Variants in RBBP6 observed in about 807,000 individuals in gnomAD.
RBBP6 encodes RB binding protein 6, ubiquitin ligase.
Under a neutral mutation model 167.7 loss-of-function variants are expected in RBBP6, and 25 were observed. The observed-to-expected ratio is 0.15, with a 90% confidence interval of 0.11 to 0.21. The LOEUF is 0.21. Ranked by LOEUF, RBBP6 falls within the 10% of genes least tolerant of loss-of-function variation. RBBP6 has a pLI of 1.00. For missense variants in RBBP6, 1,868 were observed against 2,134.2 expected (o/e 0.88, Z 2.46); for synonymous variants, 789 against 735.8 (o/e 1.07, Z -1.17).
At position 24,571,386 on chromosome 16, in the gene RBBP6, TAA is replaced by T; in HGVS notation, c.4323_4324del (p.Leu1443ValfsTer8). The T allele has an allele frequency of 6.2e-7, 1 of 1,613,970 alleles. No homozygotes were observed. On this transcript the variant is annotated frameshift_variant, in exon 18 of 18. Coordinates refer to ENST00000319715, the MANE Select transcript of RBBP6 (RefSeq NM_006910.5). LOFTEE classifies it high-confidence loss of function. The part of the protein sequence containing the change: ...LDRLNEQGNF[K>X]SLSQSSKEAR... Reference sequence around the variant, plus strand: ...ACCGTCTGAATGAACAAGGAAATTTTAAAAGTCTGTCTCAATCTTCCAAAGAG... The same window carrying T: ...ACCGTCTGAATGAACAAGGAAATTTTAAGTCTGTCTCAATCTTCCAAAGAG...
chr16:24,570,879 G>T lies in RBBP6; in HGVS notation c.3813G>T (p.Thr1271=). The change falls in exon 18 of 18, where the codon ACG becomes ACT. Residue 1271 remains threonine, a synonymous_variant. Coordinates refer to ENST00000319715, the MANE Select transcript of RBBP6 (RefSeq NM_006910.5). ...AATATTTTGTTATTCTTTTTAGTACGAGCTCAACTGGAGGCAGTCCTGTGC... is the reference window on the plus strand; with the variant it reads ...AATATTTTGTTATTCTTTTTAGTACTAGCTCAACTGGAGGCAGTCCTGTGC... The part of the protein sequence containing the change: ...SSSTLVDYTS[T]SSTGGSPVRK... 4 of 1,470,132 alleles carry T rather than the reference G, an allele frequency of 2.7e-6. No homozygotes were observed. Among genetic ancestry groups the T allele is most frequent in the South Asian group, 3.1e-5 (2 of 64,140 alleles). 91.1% of individuals were successfully genotyped at this position (1,470,132 alleles called of 1,614,324 possible). A position where few individuals can be genotyped will look rare whatever the true frequency, so the allele number is the denominator to read the frequency against.
At chr16:24,552,884 G>C (rs1252706990) in intron 3 of RBBP6, 14 of 151,910 alleles carry the variant, frequency 9.2e-5, no homozygotes, top group Admixed American at 9.2e-4. Flanking sequence ...CATAATAAGT[G>C]ACAGCTCTGT....
At position 24,567,235 on chromosome 16, in the gene RBBP6, C is replaced by T; in HGVS notation, c.1682C>T (p.Pro561Leu). ...ACTCCAGTCTTTGTACCTGTTCCAC[C>T]ACCTCCTTTGTATCCGCCTCCTCCC... ...PATPVFVPVP[P>L]PPLYPPPPHT... The change falls in exon 15 of 18, where the codon CCA becomes CTA. Residue 561 changes from proline (P) to leucine (L), a missense_variant. Pro to Leu is a moderately conservative substitution (Grantham distance 98, BLOSUM62 -3). This residue lies in a region of RBBP6 where 145 missense variants were observed against 224.3 expected (regional missense o/e 0.65). Transcript: ENST00000319715. The T allele has an allele frequency of 6.2e-7, 1 of 1,614,086 alleles. No homozygotes were observed. The highest frequency in any genetic ancestry group is 8.5e-7 in the Non-Finnish European group (1 of 1,179,968).
intron 2 of RBBP6, 115 bp from the exon 3 acceptor site, chr16:24,548,830 C>T: frequency 1.2e-6 from 1 of 829,610 alleles, no homozygotes. Flanking sequence ...AATATTTATA[C>T]CAAAGGAAAA....
intron 2 of RBBP6, 140 bp from the exon 3 acceptor site, chr16:24,548,805 A>C (rs1898728248): frequency 1.5e-6 from 1 of 666,460 alleles, no homozygotes; most frequent in African/African-American, 1.8e-5. Context: ...TTATTCATTC[A>C]GAAATTGGCT....
rs1045440864 is a variant in RBBP6, at chr16:24,549,274, G to A, written c.303+293G>A. On this transcript the variant is annotated intron_variant, in intron 3 of 17. Coordinates refer to ENST00000319715, the MANE Select transcript of RBBP6 (RefSeq NM_006910.5). ...GTTAATGTATGATCCTTTTTAGATCGTTTAGGTTTTACACTAAGGAACATG... is the reference window on the plus strand; with the variant it reads ...GTTAATGTATGATCCTTTTTAGATCATTTAGGTTTTACACTAAGGAACATG... The A allele has an allele frequency of 1.8e-5, 22 of 1,220,920 alleles. No individual in the cohort carries two copies. In the East Asian group the frequency reaches 2.0e-4, roughly 11 times the overall value. The allele number at this position is 1,220,920 out of a possible 1,614,324, so 75.6% of individuals were successfully genotyped here. A position where few individuals can be genotyped will look rare whatever the true frequency, so the allele number is the denominator to read the frequency against.
intron 16 of RBBP6, among the ~76,000 whole-genome samples, chr16:24,568,416 A>G (rs1344720016): frequency 3.3e-5 from 5 of 152,244 alleles, no homozygotes; most frequent in South Asian, 2.1e-4. Context: ...GACAAAAAAC[A>G]GACTCCTACT....
In RBBP6 at chr16:24,540,141, C is replaced by G. The variant is rs750011196; in HGVS notation, c.-486C>G. 7.1e-5 allele frequency: 11 copies of G among 154,258 alleles called. No individual in the cohort carries two copies. The highest frequency in any genetic ancestry group is 1.6e-4 in the Non-Finnish European group (11 of 69,070). The allele number at this position is 154,258 out of a possible 1,614,324, so 9.6% of individuals were successfully genotyped here. A position where few individuals can be genotyped will look rare whatever the true frequency, so the allele number is the denominator to read the frequency against. ...CGTGAGGCCGCTCGTGGACTCCGGG[C>G]CTAGGCCCTCTCCCCTCAACCTTCT... is the stretch of plus-strand genomic sequence containing the variant. On this transcript the variant is annotated 5_prime_UTR_variant, in exon 1 of 18. Coordinates refer to ENST00000319715, the MANE Select transcript of RBBP6 (RefSeq NM_006910.5).
chr16:24,560,853 A>T (rs1899035336), intron 8 of RBBP6, among the ~76,000 whole-genome samples: 1 of 152,208 alleles, frequency 6.6e-6, no homozygotes, highest in African/African-American at 2.4e-5. Flanking sequence ...TGACTTGAGC[A>T]TCTACAGACG....
At chr16:24,552,157 A>G (rs1450679776) in intron 3 of RBBP6, among the ~76,000 whole-genome samples, 1 of 151,826 alleles carries the variant, frequency 6.6e-6, no homozygotes, top group Admixed American at 6.6e-5. Context: ...ACATCCCAGT[A>G]ATATCCATCA....
chr16:24,547,690 A>G (rs1199670402), intron 2 of RBBP6, among the ~76,000 whole-genome samples: 1 of 152,306 alleles, frequency 6.6e-6, no homozygotes, highest in East Asian at 1.9e-4. Context: ...TCCTGACCTC[A>G]GGTGATCCAC....
At chr16:24,556,643 A>T (rs1212470506) in intron 7 of RBBP6, among the ~76,000 whole-genome samples, 196 bp downstream of exon 7, 1 of 152,086 alleles carries the variant, frequency 6.6e-6, no homozygotes, top group Non-Finnish European at 1.5e-5. Context: ...GGATTTGGGG[A>T]TTTTTTGTTA....
intron 8 of RBBP6, among the ~76,000 whole-genome samples, chr16:24,560,165 A>G (rs1039023902): frequency 2.2e-5 from 3 of 139,116 alleles, no homozygotes; most frequent in Admixed American, 7.8e-5. Context: ...GCTGGAGTGC[A>G]GTGGTGTAAT....
In RBBP6 at chr16:24,571,422, G is replaced by A. The variant is rs757966944; in HGVS notation, c.4356G>A (p.Thr1452=). The change falls in exon 18 of 18, where the codon ACG becomes ACA. Residue 1452 remains threonine (T), a synonymous_variant. Transcript: ENST00000319715. The part of the protein sequence containing the change: ...SLSQSSKEAR[T]SDKHDSTRAS... ...CTCAATCTTCCAAAGAGGCTAGAAC[G>A]TCAGATAAACATGATTCCACTCGTG... 5.7e-5 allele frequency: 92 copies of A among 1,613,408 alleles called. No individual in the cohort carries two copies. The East Asian group carries it at 1.6e-3, about 29-fold the overall frequency.
intron 8 of RBBP6, among the ~76,000 whole-genome samples, chr16:24,561,255 A>T (rs920545391): frequency 2.1e-5 from 3 of 143,134 alleles, no homozygotes; most frequent in African/African-American, 7.6e-5. Flanking sequence ...ACATTTGTTT[A>T]AAAAAAAAAA....
chr16:24,562,613 A>G (rs1353066357), intron 10 of RBBP6, among the ~76,000 whole-genome samples: 2 of 152,054 alleles, frequency 1.3e-5, no homozygotes, highest in Admixed American at 6.5e-5. Context: ...GTAGGAGAAT[A>G]GTGAAAACTC....
At chr16:24,560,530 A>G (rs1053643260) in intron 8 of RBBP6, among the ~76,000 whole-genome samples, 9 of 152,208 alleles carry the variant, frequency 5.9e-5, no homozygotes, top group African/African-American at 2.2e-4. Flanking sequence ...AGAAGAAATC[A>G]GTGTTACCTG....
Position 24,562,082 on chromosome 16 carries a change from T to C in RBBP6, c.1210T>C (p.Ser404Pro), listed in dbSNP as rs754676879. Residue 404 changes from serine to proline, a missense_variant, in exon 10 of 18, where the codon TCT (serine) becomes CCT (proline). Transcript: ENST00000319715. ...CCCTCCTGTGTCTGGAAATCCGTCTTCTGCTCCAGCTCCTGTACCTGATAT... is the reference window on the plus strand; with the variant it reads ...CCCTCCTGTGTCTGGAAATCCGTCTCCTGCTCCAGCTCCTGTACCTGATAT... Reference protein sequence around the residue: ...LAPPVSGNPSSAPAPVPDITA... With the variant: ...LAPPVSGNPSPAPAPVPDITA... 1 of 1,613,572 alleles carries C rather than the reference T, an allele frequency of 6.2e-7. No homozygotes were observed. The highest frequency in any genetic ancestry group is 1.7e-5 in the Admixed American group (1 of 60,018).
At position 24,564,055 on chromosome 16, in the gene RBBP6, T is replaced by C. The variant is rs186207422; in HGVS notation, c.1520+391T>C. ...ACCCTTAATTTGGATGATCAAAGTT[T>C]GATTTGAGTACATAAATACATAATA... On this transcript the variant is annotated intron_variant, in intron 13 of 17. Coordinates refer to ENST00000319715, the MANE Select transcript of RBBP6 (RefSeq NM_006910.5). Among the ~76,000 whole-genome samples, 1,384 of 152,266 alleles carry C rather than the reference T, an allele frequency of 9.1e-3. 6 individuals are homozygous for C. The highest frequency in any genetic ancestry group is 0.016 in the Non-Finnish European group (1,076 of 68,018).
Sources: gnomAD v4.1 joint callset for allele counts (sites outside exome capture counted in the v4.1 genomes callset) on GRCh38, gnomAD v4.1.1 for gene constraint, gnomAD v4.1.1 regional missense constraint, MANE v1.5 for transcripts, NCBI Gene and HGNC (gene_info 2026-07-23, HGNC 2026-07-21) for gene names.